PCDHA10: variants seen among roughly 807,000 people sequenced by gnomAD.
The protein encoded by PCDHA10 is protocadherin alpha 10, also known as protocadherin alpha-10.
PCDHA10 carries 45 observed loss-of-function variants against 61.2 expected under a neutral mutation model. The observed-to-expected ratio is 0.74, with a 90% confidence interval of 0.58 to 0.94. The LOEUF is 0.94. Ranked by LOEUF, PCDHA10 falls within the 40% of genes least tolerant of loss-of-function variation. The probability of loss-of-function intolerance (pLI) is 0.00; values close to 1 mark genes in which losing one functional copy is unlikely to be tolerated. For synonymous variants in PCDHA10, 602 were observed against 548.8 expected, an observed-to-expected ratio of 1.10 and a Z score of -1.35; for missense variants, 1,278 against 1,236.2, an observed-to-expected ratio of 1.03 and a Z score of -0.51.
chr5:140,858,341 G>A lies in PCDHA10; in HGVS notation c.2293G>A (p.Ala765Thr). 6.3e-7 allele frequency: 1 copy of A among 1,595,396 alleles called. No individual in the cohort carries two copies. Among genetic ancestry groups the A allele is most frequent in the Non-Finnish European group, 8.6e-7 (1 of 1,165,864 alleles). Residue 765 changes from alanine (A) to threonine (T), a missense_variant, in exon 1 of 4, where the codon GCG becomes ACG. Ala to Thr is a moderately conservative substitution (Grantham distance 58). Transcript: ENST00000307360. ...GTGTTCTGGGGAGGGCCTGCCCAAG[G>A]CGGACCTCATGGCCTTCAGCCCCAG... ...RVCSGEGLPK[A>T]DLMAFSPSLP...
chr5:140,926,885 GAGGGA>G (rs782449015), intron 1 of PCDHA10: 1 of 1,543,482 alleles, frequency 6.5e-7, no homozygotes, highest in Non-Finnish European at 8.7e-7. Context: ...TGGACGCCTA[GAGGGA>G]GGATGGTGGG....
intron 1 of PCDHA10, among the ~76,000 whole-genome samples, chr5:140,874,643 G>T (rs1423931291): frequency 1.3e-5 from 2 of 152,178 alleles, no homozygotes; most frequent in Non-Finnish European, 2.9e-5. Flanking sequence ...CTTTACTTTT[G>T]CTAGAGTAAA....
intron 1 of PCDHA10, among the ~76,000 whole-genome samples, chr5:140,914,475 T>A (rs1473439533): frequency 6.6e-6 from 1 of 152,204 alleles, no homozygotes; most frequent in Non-Finnish European, 1.5e-5. Context: ...TCTTCATAGG[T>A]GAAGTGTTTC....
chr5:140,998,809 C>T (rs782698811), intron 3 of PCDHA10, among the ~76,000 whole-genome samples: 14 of 152,212 alleles, frequency 9.2e-5, no homozygotes, highest in Non-Finnish European at 1.9e-4. Context: ...GGTGATCTGC[C>T]TGCCTTGGCC....
At chr5:140,862,769 C>A (rs782429555) in intron 1 of PCDHA10, 1 of 578,770 alleles carries the variant, frequency 1.7e-6, no homozygotes. Context: ...AAGAGGTACG[C>A]GTTGCAGCCA....
chr5:140,938,443 A>C (rs1324427427), intron 1 of PCDHA10, among the ~76,000 whole-genome samples: 1 of 152,180 alleles, frequency 6.6e-6, no homozygotes, highest in African/African-American at 2.4e-5. Context: ...AGATTTATTA[A>C]GTTCCCTTTG....
At chr5:140,869,139 A>C (rs2050869640) in intron 1 of PCDHA10, 1 of 1,613,156 alleles carries the variant, frequency 6.2e-7, no homozygotes, top group Admixed American at 1.7e-5. Flanking sequence ...TGGGCACCCC[A>C]CGACTACAGC....
rs782448077 is a variant in PCDHA10 at position 140,870,373 on chromosome 5, G to T, written c.2388+11937G>T. 68 of 1,614,118 alleles carry T rather than the reference G, an allele frequency of 4.2e-5. No individual in the cohort carries two copies. In the Admixed American group the frequency reaches 5.3e-4, roughly 13 times the overall value. On this transcript the variant is annotated intron_variant, in intron 1 of 3. Coordinates refer to ENST00000307360, the MANE Select transcript of PCDHA10 (RefSeq NM_018901.4). The stretch of plus-strand genomic sequence containing the variant: ...GAACGTGTGGGCCTATGAACTGGTG[G>T]TGACTGCGCGGGATGGGGGTTCGCC...
At chr5:140,957,549 C>G (rs563057107) in intron 1 of PCDHA10, among the ~76,000 whole-genome samples, 1 of 152,156 alleles carries the variant, frequency 6.6e-6, no homozygotes, top group South Asian at 2.1e-4. Context: ...AAAGTATTCT[C>G]TGTGGAAAAG....
At chr5:140,870,614 C>G in intron 1 of PCDHA10, 2 of 1,613,212 alleles carry the variant, frequency 1.2e-6, no homozygotes, top group South Asian at 2.2e-5. Flanking sequence ...CGCGCGCTGT[C>G]GAGCTACGTG....
intron 1 of PCDHA10, chr5:140,883,678 G>C: frequency 1.2e-6 from 2 of 1,613,902 alleles, no homozygotes; most frequent in Non-Finnish European, 1.7e-6. Context: ...ACAATCCGCC[G>C]GGCTGCCACA....
At chr5:140,930,814 T>A (rs1554208117) in intron 1 of PCDHA10, among the ~76,000 whole-genome samples, 1 of 152,210 alleles carries the variant, frequency 6.6e-6, no homozygotes, top group Non-Finnish European at 1.5e-5. Flanking sequence ...AAGATATGCT[T>A]AGTAAATGCT....
chr5:141,008,470 C>T (rs2098378498), intron 3 of PCDHA10, among the ~76,000 whole-genome samples: 1 of 152,156 alleles, frequency 6.6e-6, no homozygotes, highest in Non-Finnish European at 1.5e-5. Context: ...GCTCTGACTT[C>T]TACTCTTCTA....
At chr5:140,875,886 A>C (rs201813340) in intron 1 of PCDHA10, 1 of 1,614,176 alleles carries the variant, frequency 6.2e-7, no homozygotes, top group Non-Finnish European at 8.5e-7. Flanking sequence ...AAAGGGAACA[A>C]AAGGTACCTG....
intron 1 of PCDHA10, among the ~76,000 whole-genome samples, chr5:140,915,929 C>A (rs1554197194): frequency 1.3e-5 from 2 of 152,144 alleles, no homozygotes; most frequent in African/African-American, 4.8e-5. Context: ...ACTTGGGAGT[C>A]AGGGATTGGA....
intron 1 of PCDHA10, among the ~76,000 whole-genome samples, chr5:140,953,962 T>C (rs2153701012): frequency 6.6e-6 from 1 of 152,196 alleles, no homozygotes; most frequent in Admixed American, 6.5e-5. Flanking sequence ...CAGGCCCCAG[T>C]GTGTGTTGTT....
At chr5:140,904,447 C>T (rs2071139964) in intron 1 of PCDHA10, among the ~76,000 whole-genome samples, 1 of 151,118 alleles carries the variant, frequency 6.6e-6, no homozygotes, top group Non-Finnish European at 1.5e-5. Flanking sequence ...ATTACAATTT[C>T]TTTATACACT....
chr5:140,863,123 GCCACCGCCTGCTGGTGCTGGTGAAGGA>G, intron 1 of PCDHA10: 1 of 593,078 alleles, frequency 1.7e-6, no homozygotes, highest in Non-Finnish European at 3.3e-6. Context: ...AAAGCTACGC[GCCACCGCCTGCTGGTGCTGGTGAAGGA>G]CCACTGCGAG....
intron 1 of PCDHA10, among the ~76,000 whole-genome samples, chr5:140,886,827 G>GAAAAA (rs782016620): frequency 6.6e-5 from 4 of 60,918 alleles, no homozygotes; most frequent in African/African-American, 6.0e-5. Flanking sequence ...ACTTCGTCTT[G>GAAAAA]AAAAAAAAAA....
Sources: gnomAD v4.1 joint callset for allele counts (sites outside exome capture counted in the v4.1 genomes callset) on GRCh38, gnomAD v4.1.1 for gene constraint, MANE v1.5 for transcripts, NCBI Gene and HGNC (gene_info 2026-07-23, HGNC 2026-07-21) for gene names.